The following SGCD variants were observed in gnomAD, a reference collection of about 807,000 sequenced individuals.
SGCD encodes the protein delta-sarcoglycan.
In SGCD, 18 loss-of-function variants were observed where a neutral mutation model predicts 36.6. The ratio of observed to expected loss-of-function variants is 0.49; its 90% CI spans 0.34 to 0.73. The LOEUF (loss-of-function observed/expected upper bound fraction) is 0.73. Ranked by LOEUF, SGCD falls within the 30% of genes least tolerant of loss-of-function variation. SGCD has a pLI of 0.01. For synonymous variants in SGCD, 133 were observed against 130.6 expected, an observed-to-expected ratio of 1.02 and a Z score of -0.12; for missense variants, 387 against 346.7, an observed-to-expected ratio of 1.12 and a Z score of -0.92.
chr5:155,833,009 A>G, the SGCD span, among the ~76,000 whole-genome samples: 1 of 149,070 alleles, frequency 6.7e-6, no homozygotes, highest in Non-Finnish European at 1.5e-5. Context: ...GAAGTTCAAG[A>G]CCAGCCCGGT....
intron 7 of SGCD, among the ~76,000 whole-genome samples, chr5:156,744,819 T>A (rs1366891903): frequency 6.6e-6 from 1 of 152,200 alleles, no homozygotes; most frequent in African/African-American, 2.4e-5. Context: ...TGCCAACTTT[T>A]AAAGTTGAGC....
chr5:155,850,192 C>G, the SGCD span, among the ~76,000 whole-genome samples: 1 of 152,150 alleles, frequency 6.6e-6, no homozygotes, highest in Non-Finnish European at 1.5e-5. Context: ...TGTAATGCAA[C>G]TTTGCTGACT....
At chr5:156,384,709 T>C (rs1207181710) in intron 3 of SGCD, among the ~76,000 whole-genome samples, 2 of 152,154 alleles carry the variant, frequency 1.3e-5, no homozygotes, top group Admixed American at 6.5e-5. Flanking sequence ...TGGTATCAGA[T>C]GTGATTTGGG....
rs1342850316 is a variant in SGCD, at chr5:156,554,979, C to T, written c.295-34252C>T. 3.3e-5 allele frequency among the ~76,000 whole-genome samples: 5 copies of T among 152,272 alleles called. No individual in the cohort carries two copies. The Middle Eastern group carries it at 0.01, about 311-fold the overall frequency. On this transcript the variant is annotated intron_variant, in intron 4 of 8. Transcript: ENST00000337851. The stretch of plus-strand genomic sequence containing the variant: ...TGGTTTTCATATGCATTTCCCTAAT[C>T]ACTAATGATGTTACACATCCTTTCA...
intron 3 of SGCD, among the ~76,000 whole-genome samples, chr5:156,233,353 G>T (rs1003895682): frequency 1.3e-5 from 2 of 152,180 alleles, no homozygotes; most frequent in African/African-American, 4.8e-5. Flanking sequence ...ATCATAACGG[G>T]AATTCTCTAA....
At chr5:156,686,802 C>G (rs1223996506) in intron 7 of SGCD, among the ~76,000 whole-genome samples, 1 of 152,168 alleles carries the variant, frequency 6.6e-6, no homozygotes, top group Non-Finnish European at 1.5e-5. Context: ...ATTCTATAGG[C>G]AAAGCCAAAG....
chr5:156,756,487 C>A (rs1242848147), intron 7 of SGCD, among the ~76,000 whole-genome samples: 1 of 152,174 alleles, frequency 6.6e-6, no homozygotes, highest in Non-Finnish European at 1.5e-5. Flanking sequence ...TGGCAGTGAG[C>A]TATAATTGTG....
chr5:156,766,308 C>T lies in SGCD; in HGVS notation c.*6918C>T, dbSNP rs1183717769. The T allele has an allele frequency of 6.6e-6, 1 of 151,772 alleles. No individual in the cohort carries two copies. The highest frequency in any genetic ancestry group is 1.5e-5 in the Non-Finnish European group (1 of 67,970). The allele number at this position is 151,772 out of a possible 1,614,324, so 9.4% of individuals were successfully genotyped here. On this transcript the variant is annotated 3_prime_UTR_variant, in exon 9 of 9. Coordinates refer to ENST00000337851, the MANE Select transcript of SGCD (RefSeq NM_000337.6). ...TCATTTCTATCATTGTCTCTGTTTC[C>T]CTATAAGAAAGAACTACCAGGGACT... is the stretch of plus-strand genomic sequence containing the variant.
At chr5:156,634,501 T>C (rs1762750604) in intron 6 of SGCD, among the ~76,000 whole-genome samples, 1 of 152,196 alleles carries the variant, frequency 6.6e-6, no homozygotes, top group Non-Finnish European at 1.5e-5. Context: ...TGCATTTTGC[T>C]GAGTCAGAGA....
intron 6 of SGCD, among the ~76,000 whole-genome samples, chr5:156,595,523 C>T (rs1050763597): frequency 6.6e-6 from 1 of 152,190 alleles, no homozygotes; most frequent in African/African-American, 2.4e-5. Context: ...TCTTTTAAAG[C>T]AAGGCAGTTG....
chr5:156,558,020 A>G (rs1759099548), intron 4 of SGCD, among the ~76,000 whole-genome samples: 1 of 148,714 alleles, frequency 6.7e-6, no homozygotes, highest in Non-Finnish European at 1.5e-5. Context: ...AATACCTGGG[A>G]TGGAAAAATG....
At chr5:155,972,990 C>A (rs190773677) in intron 1 of SGCD, among the ~76,000 whole-genome samples, 170 of 152,030 alleles carry the variant, frequency 1.1e-3, no homozygotes, top group African/African-American at 3.9e-3. Context: ...CTTATTTTGT[C>A]CTTTGTTAGT....
At chr5:155,909,872 A>G (rs1756595978) in intron 1 of SGCD, among the ~76,000 whole-genome samples, 1 of 152,138 alleles carries the variant, frequency 6.6e-6, no homozygotes, top group African/African-American at 2.4e-5. Flanking sequence ...AATTCAAGAT[A>G]ACATCTTGTA....
At chr5:156,719,641 A>G (rs1755394241) in intron 7 of SGCD, among the ~76,000 whole-genome samples, 1 of 152,042 alleles carries the variant, frequency 6.6e-6, no homozygotes, top group Admixed American at 6.6e-5. Flanking sequence ...GTGTTGCACT[A>G]TACAATAGAA....
intron 3 of SGCD, among the ~76,000 whole-genome samples, chr5:156,318,723 G>A (rs1767584687): frequency 6.6e-6 from 1 of 151,974 alleles, no homozygotes; most frequent in Non-Finnish European, 1.5e-5. Context: ...AGCATCCTGA[G>A]TAGCTGGGAT....
Position 156,266,690 on chromosome 5 carries a change from C to T in SGCD, c.-43-62844C>T, listed in dbSNP as rs573466883. ...TAGAGAAGGGGCTATGTTTCCCAGG[C>T]TGGTCTCAAACTCCTGTGCTCAATA... On this transcript the variant is annotated intron_variant, in intron 3 of 9. Transcript: ENST00000517913. 1.2e-4 allele frequency among the ~76,000 whole-genome samples: 18 copies of T among 151,868 alleles called. No homozygotes were observed. In the South Asian group the frequency reaches 1.2e-3, roughly 11 times the overall value.
chr5:156,069,531 G>A (rs1428353637), intron 1 of SGCD, among the ~76,000 whole-genome samples: 1 of 152,070 alleles, frequency 6.6e-6, no homozygotes, highest in Non-Finnish European at 1.5e-5. Flanking sequence ...CTGTAGCCTT[G>A]TAGAATAGTT....
At chr5:156,541,667 AC>A (rs1384293336) in intron 4 of SGCD, among the ~76,000 whole-genome samples, 4 of 152,072 alleles carry the variant, frequency 2.6e-5, no homozygotes, top group African/African-American at 9.6e-5. Context: ...GGGAAAGGAG[AC>A]CTAACATTTA....
intron 3 of SGCD, among the ~76,000 whole-genome samples, chr5:156,448,571 G>A (rs1753847570): frequency 6.6e-6 from 1 of 152,002 alleles, no homozygotes. Context: ...ACATTGCCTG[G>A]AAATTAATTT....
Sources: gnomAD v4.1 joint callset for allele counts (sites outside exome capture counted in the v4.1 genomes callset) on GRCh38, gnomAD v4.1.1 for gene constraint, MANE v1.5 for transcripts, NCBI Gene and HGNC (gene_info 2026-07-23, HGNC 2026-07-21) for gene names.